The following DLGAP2 variants were observed in gnomAD, a reference collection of about 807,000 sequenced individuals.
DLGAP2 encodes disks large-associated protein 2.
Under a neutral mutation model 100.3 loss-of-function variants are expected in DLGAP2, and 26 were observed. That is an observed-to-expected ratio of 0.26 (90% confidence interval 0.19 to 0.36). The LOEUF is 0.36. Among genes scored for constraint, DLGAP2 ranks in the 10% least tolerant of loss-of-function variants. The pLI, the probability that DLGAP2 is intolerant of heterozygous loss-of-function variation, is 1.00. For missense variants in DLGAP2, 1,858 were observed against 1,453.2 expected, an observed-to-expected ratio of 1.28 and a Z score of -4.53; for synonymous variants, 886 against 630.1, an observed-to-expected ratio of 1.41 and a Z score of -6.08.
In DLGAP2 at chr8:882,470, G is replaced by C. The variant is rs13270124; in HGVS notation, c.19-25442G>C. On this transcript the variant is annotated intron_variant, in intron 1 of 14. Coordinates refer to ENST00000637795, the MANE Select transcript of DLGAP2 (RefSeq NM_001346810.2). The stretch of plus-strand genomic sequence containing the variant: ...TCTCCCTGCGGAGGCCTCTCCTGCG[G>C]GCACCCTCGCCTGATCCAGCGGTAC... 3.2e-3 allele frequency among the ~76,000 whole-genome samples: 360 copies of C among 113,414 alleles called. 4 individuals are homozygous for C. The highest frequency in any genetic ancestry group is 0.012 in the Admixed American group (106 of 8,526). The allele number at this position is 113,414 out of a possible 152,430, so 74.4% of individuals were successfully genotyped here. A position where few individuals can be genotyped will look rare whatever the true frequency, so the allele number is the denominator to read the frequency against.
intron 2 of DLGAP2, among the ~76,000 whole-genome samples, chr8:997,614 AAATT>A: frequency 6.6e-6 from 1 of 152,352 alleles, no homozygotes; most frequent in South Asian, 2.1e-4. Flanking sequence ...TAAAACTAAT[AAATT>A]GACTTGAAAA....
At chr8:1,136,027 C>T (rs1276187518) in intron 2 of DLGAP2, among the ~76,000 whole-genome samples, 1 of 152,200 alleles carries the variant, frequency 6.6e-6, no homozygotes, top group Non-Finnish European at 1.5e-5. Context: ...TCAAGAAGCT[C>T]ATTCTCTTCC....
rs530280708 is a variant in DLGAP2, at chr8:1,410,156, C to G, written c.107-91210C>G. On this transcript the variant is annotated intron_variant, in intron 3 of 14. Coordinates refer to ENST00000637795, the MANE Select transcript of DLGAP2 (RefSeq NM_001346810.2). Reference sequence around the variant, plus strand: ...GGGGAAGGGGAGGTTTCAAAACATGCCCTCGATCTGCTGAGGAGACTGCAA... The same window carrying G: ...GGGGAAGGGGAGGTTTCAAAACATGGCCTCGATCTGCTGAGGAGACTGCAA... Among the ~76,000 whole-genome samples, 66 of 152,290 alleles carry G rather than the reference C, an allele frequency of 4.3e-4. 2 individuals are homozygous for G. In the South Asian group the frequency reaches 0.013, roughly 29 times the overall value.
chr8:878,596 C>T (rs986523714), intron 1 of DLGAP2, among the ~76,000 whole-genome samples: 2 of 152,120 alleles, frequency 1.3e-5, no homozygotes, highest in Non-Finnish European at 2.9e-5. Flanking sequence ...CTCACCAAAA[C>T]TCACTGAGGC....
At chr8:1,212,042 G>C (rs1475903915) in intron 2 of DLGAP2, among the ~76,000 whole-genome samples, 2 of 152,222 alleles carry the variant, frequency 1.3e-5, no homozygotes, top group Non-Finnish European at 2.9e-5. Context: ...CTAAAGCCTA[G>C]AGCAGAGTGG....
intron 3 of DLGAP2, among the ~76,000 whole-genome samples, chr8:1,295,278 A>T (rs1281982317): frequency 6.6e-6 from 1 of 152,224 alleles, no homozygotes; most frequent in Non-Finnish European, 1.5e-5. Context: ...CATGGGATAG[A>T]TACACACAGC....
intron 1 of DLGAP2, among the ~76,000 whole-genome samples, chr8:744,187 G>A (rs1008131281): frequency 4.6e-5 from 7 of 152,234 alleles, no homozygotes; most frequent in Admixed American, 2.6e-4. Flanking sequence ...GTGCTCGTTC[G>A]CTCAGCAAGC....
chr8:1,071,412 C>T (rs963030329), intron 2 of DLGAP2, among the ~76,000 whole-genome samples: 1 of 152,138 alleles, frequency 6.6e-6, no homozygotes, highest in Non-Finnish European at 1.5e-5. Flanking sequence ...GGATGATGTG[C>T]AGTCTCTCCT....
chr8:1,020,780 C>G (rs1236677540), intron 2 of DLGAP2, among the ~76,000 whole-genome samples: 1 of 152,174 alleles, frequency 6.6e-6, no homozygotes, highest in African/African-American at 2.4e-5. Flanking sequence ...GAGGGGAGAG[C>G]TGGGGCTCCA....
chr8:1,601,945 G>GGTGTGTGTGTGTGTGT (rs55762722), intron 6 of DLGAP2, among the ~76,000 whole-genome samples: 143 of 146,450 alleles, frequency 9.8e-4, no homozygotes, highest in Middle Eastern at 3.5e-3. Flanking sequence ...AATTTAACAG[G>GGTGTGTGTGTGTGTGT]GTGTGTGTGT....
chr8:1,478,767 G>C (rs1272383268), intron 3 of DLGAP2, among the ~76,000 whole-genome samples: 2 of 152,200 alleles, frequency 1.3e-5, no homozygotes, highest in Non-Finnish European at 2.9e-5. Flanking sequence ...CAGTATGAGA[G>C]GTGCATGTTG....
intron 2 of DLGAP2, among the ~76,000 whole-genome samples, chr8:964,746 G>A (rs917033678): frequency 2.0e-5 from 3 of 152,148 alleles, no homozygotes; most frequent in African/African-American, 4.8e-5. Context: ...GGTGGGCACC[G>A]CCTCCACCTA....
intron 2 of DLGAP2, among the ~76,000 whole-genome samples, chr8:1,009,896 T>G (rs60340853): frequency 0.021 from 3,265 of 152,314 alleles, 118 homozygotes; most frequent in African/African-American, 0.075. Context: ...AGATTGTGTT[T>G]GGAATTGGTT....
intron 4 of DLGAP2, among the ~76,000 whole-genome samples, chr8:1,506,821 A>G (rs1799936595): frequency 6.6e-6 from 1 of 152,094 alleles, no homozygotes; most frequent in Admixed American, 6.5e-5. Context: ...TCTAGACATA[A>G]AAGTTTTCCA....
chr8:1,408,911 C>A (rs1796650334), intron 3 of DLGAP2, among the ~76,000 whole-genome samples: 1 of 152,230 alleles, frequency 6.6e-6, no homozygotes, highest in Non-Finnish European at 1.5e-5. Context: ...TGCCCACCCT[C>A]CTGGGCCACA....
intron 3 of DLGAP2, among the ~76,000 whole-genome samples, chr8:1,312,200 G>A (rs189255268): frequency 9.2e-5 from 14 of 152,242 alleles, no homozygotes; most frequent in East Asian, 5.8e-4. Flanking sequence ...AAGTTACCTC[G>A]ACATAGATCA....
At chr8:1,295,338 G>C (rs909633547) in intron 3 of DLGAP2, among the ~76,000 whole-genome samples, 1 of 152,234 alleles carries the variant, frequency 6.6e-6, no homozygotes, top group African/African-American at 2.4e-5. Context: ...GCTTCCTGGT[G>C]ACCGTGGGCC....
intron 2 of DLGAP2, chr8:1,137,458 C>A (rs146972405): frequency 6.6e-6 from 1 of 152,538 alleles, no homozygotes; most frequent in African/African-American, 2.4e-5. Flanking sequence ...CTGCATGGAG[C>A]CTCTCGCTGT....
At chr8:856,077 A>G (rs926102639) in intron 1 of DLGAP2, among the ~76,000 whole-genome samples, 6 of 152,090 alleles carry the variant, frequency 3.9e-5, no homozygotes, top group Non-Finnish European at 7.4e-5. Context: ...GAAATAAAAG[A>G]TATGCATATT....
Sources: gnomAD v4.1 joint callset for allele counts (sites outside exome capture counted in the v4.1 genomes callset) on GRCh38, gnomAD v4.1.1 for gene constraint, MANE v1.5 for transcripts, NCBI Gene and HGNC (gene_info 2026-07-23, HGNC 2026-07-21) for gene names.